FBXO31: variants seen among roughly 807,000 people sequenced by gnomAD.
FBXO31 encodes F-box only protein 31.
Under a neutral mutation model 54.4 loss-of-function variants are expected in FBXO31, and 24 were observed. That is an observed-to-expected ratio of 0.44 (90% CI 0.32 to 0.62). The LOEUF is 0.62. FBXO31 is among the 20% of genes least tolerant of loss of function. The probability of loss-of-function intolerance (pLI) is 0.05; values close to 1 mark genes in which losing one functional copy is unlikely to be tolerated. For synonymous variants in FBXO31, 388 were observed against 335.6 expected, an observed-to-expected ratio of 1.16 and a Z score of -1.71; for missense variants, 665 against 787.1, an observed-to-expected ratio of 0.84 and a Z score of 1.86.
chr16:87,370,805 C>CA (rs1208182317), intron 1 of FBXO31, among the ~76,000 whole-genome samples: 1 of 152,172 alleles, frequency 6.6e-6, no homozygotes, highest in Non-Finnish European at 1.5e-5. Context: ...CAAATAAAAC[C>CA]AAAAGACGAC....
At chr16:87,374,235 C>T (rs2150694972) in intron 1 of FBXO31, among the ~76,000 whole-genome samples, 1 of 150,782 alleles carries the variant, frequency 6.6e-6, no homozygotes, top group East Asian at 1.9e-4. Flanking sequence ...GAGGCCCTGT[C>T]TCCACAAAAA....
upstream of FBXO31, chr16:87,384,292 G>A (rs912005986): frequency 6.6e-6 from 1 of 152,094 alleles, no homozygotes; most frequent in Non-Finnish European, 1.5e-5. Flanking sequence ...TTGAAACAAC[G>A]CGCGTTCCAT....
intron 1 of FBXO31, among the ~76,000 whole-genome samples, chr16:87,373,849 C>G (rs560163865): frequency 3.9e-4 from 60 of 152,312 alleles, no homozygotes; most frequent in Middle Eastern, 6.8e-3. Flanking sequence ...CATTCAAAAA[C>G]AACATTAAAC....
intron 2 of FBXO31, among the ~76,000 whole-genome samples, chr16:87,359,520 T>A (rs1353565462): frequency 6.6e-6 from 1 of 152,198 alleles, no homozygotes; most frequent in African/African-American, 2.4e-5. Flanking sequence ...TGTCTTCATG[T>A]CACTTTGAGA....
intron 1 of FBXO31, among the ~76,000 whole-genome samples, chr16:87,370,421 C>A (rs975887971): frequency 6.6e-6 from 1 of 152,238 alleles, no homozygotes; most frequent in East Asian, 1.9e-4. Context: ...CACTAAGATG[C>A]CATCTGGGGC....
At chr16:87,387,739 G>A (rs1019243800), upstream of FBXO31, among the ~76,000 whole-genome samples, 12 of 152,176 alleles carry the variant, frequency 7.9e-5, no homozygotes, top group African/African-American at 2.9e-4. Flanking sequence ...CCCGGGAGGC[G>A]GAGCTTGCAG....
At chr16:87,372,310 G>A (rs1407272644) in intron 1 of FBXO31, among the ~76,000 whole-genome samples, 1 of 152,172 alleles carries the variant, frequency 6.6e-6, no homozygotes, top group Non-Finnish European at 1.5e-5. Context: ...AGTGGTGGAT[G>A]ATATTCAACT....
At chr16:87,374,832 T>C (rs562061600) in intron 1 of FBXO31, among the ~76,000 whole-genome samples, 1 of 152,230 alleles carries the variant, frequency 6.6e-6, no homozygotes, top group Non-Finnish European at 1.5e-5. Context: ...TTCAGAATGA[T>C]GCTATGAATT....
Position 87,330,971 on chromosome 16 carries a change from C to A in FBXO31, c.*317G>T. The A allele has an allele frequency of 3.3e-6, 1 of 303,128 alleles. No individual in the cohort carries two copies. The highest frequency in any genetic ancestry group is 1.1e-3 in the Middle Eastern group (1 of 952). 18.8% of individuals were successfully genotyped at this position (303,128 alleles called of 1,614,324 possible). On this transcript the variant is annotated 3_prime_UTR_variant, in exon 9 of 9. Transcript: ENST00000311635. The stretch of plus-strand genomic sequence containing the variant: ...CCTGCTTCCCGAGAAAACCACCAGC[C>A]AGCCCAGGGTGCGGGAACCCCACCG...
chr16:87,372,004 G>A (rs1315994493), intron 1 of FBXO31, among the ~76,000 whole-genome samples: 1 of 152,066 alleles, frequency 6.6e-6, no homozygotes. Flanking sequence ...TGGGCAGACT[G>A]CTTGAGCTCA....
intron 1 of FBXO31, among the ~76,000 whole-genome samples, chr16:87,373,406 C>A (rs1219472421): frequency 6.6e-6 from 1 of 152,014 alleles, no homozygotes; most frequent in Non-Finnish European, 1.5e-5. Context: ...GAGCCGAGAT[C>A]GCGCCACTGC....
chr16:87,390,896 G>C (rs901110945), upstream of FBXO31, among the ~76,000 whole-genome samples: 1 of 151,720 alleles, frequency 6.6e-6, no homozygotes, highest in African/African-American at 2.4e-5. Flanking sequence ...ACCGCCCCCC[G>C]CTATTTTCAT....
At chr16:87,355,837 C>G (rs552747414) in intron 2 of FBXO31, among the ~76,000 whole-genome samples, 14 of 152,328 alleles carry the variant, frequency 9.2e-5, no homozygotes, top group African/African-American at 2.9e-4. Context: ...TCCCCTGCCC[C>G]CAGTGCAACT....
At chr16:87,364,592 C>A (rs1175149494) in intron 1 of FBXO31, among the ~76,000 whole-genome samples, 2 of 152,134 alleles carry the variant, frequency 1.3e-5, no homozygotes, top group Non-Finnish European at 2.9e-5. Flanking sequence ...CAACTGCCCA[C>A]CCGTCAGACT....
chr16:87,364,595 G>T (rs1029627387), intron 1 of FBXO31, among the ~76,000 whole-genome samples: 2 of 152,134 alleles, frequency 1.3e-5, no homozygotes, highest in East Asian at 3.9e-4. Flanking sequence ...CTGCCCACCC[G>T]TCAGACTGAG....
At chr16:87,340,725 A>C (rs2150672346) in intron 5 of FBXO31, among the ~76,000 whole-genome samples, 1 of 152,364 alleles carries the variant, frequency 6.6e-6, no homozygotes, top group Admixed American at 6.5e-5. Flanking sequence ...TGGGAGGCCA[A>C]GGCGGTAAGA....
At chr16:87,388,396 T>C (rs1907399382), upstream of FBXO31, among the ~76,000 whole-genome samples, 5 of 152,228 alleles carry the variant, frequency 3.3e-5, no homozygotes, top group Admixed American at 6.5e-5. Flanking sequence ...GAGCAATACT[T>C]GTTTGTTTAC....
chr16:87,376,495 G>A (rs897790441), intron 1 of FBXO31, among the ~76,000 whole-genome samples: 8 of 152,088 alleles, frequency 5.3e-5, no homozygotes, highest in Admixed American at 4.6e-4. Context: ...GGCTGGTCTC[G>A]AACTCCTGAC....
chr16:87,342,611 G>A (rs1249267209), intron 5 of FBXO31, among the ~76,000 whole-genome samples: 2 of 152,216 alleles, frequency 1.3e-5, no homozygotes, highest in East Asian at 3.9e-4. Context: ...CCGCCAGAGG[G>A]GCAAAGCAGA....
Sources: gnomAD v4.1 joint callset for allele counts (sites outside exome capture counted in the v4.1 genomes callset) on GRCh38, gnomAD v4.1.1 for gene constraint, MANE v1.5 for transcripts, NCBI Gene and HGNC (gene_info 2026-07-23, HGNC 2026-07-21) for gene names.